The following RPS6KA2 variants were observed in gnomAD, a reference collection of about 807,000 sequenced individuals.
RPS6KA2 encodes ribosomal protein S6 kinase A2, also known as ribosomal protein S6 kinase alpha-2.
In RPS6KA2, 42 loss-of-function variants were observed where a neutral mutation model predicts 91.8. The observed-to-expected ratio is 0.46, with a 90% CI of 0.36 to 0.59. The LOEUF (loss-of-function observed/expected upper bound fraction) is 0.59. Among genes scored for constraint, RPS6KA2 ranks in the 20% least tolerant of loss-of-function variants. RPS6KA2 has a pLI of 0.00. For synonymous variants in RPS6KA2, 414 were observed against 393.6 expected (o/e 1.05, Z -0.61); for missense variants, 798 against 978.5 (o/e 0.82, Z 2.46).
At chr6:166,542,620 A>C (rs1783696558) in intron 1 of RPS6KA2, among the ~76,000 whole-genome samples, 1 of 152,230 alleles carries the variant, frequency 6.6e-6, no homozygotes. Context: ...GAATTTTTAA[A>C]ATTCCTGCAG....
chr6:166,812,404 C>T (rs939912161), intron 2 of RPS6KA2, among the ~76,000 whole-genome samples: 2 of 152,284 alleles, frequency 1.3e-5, no homozygotes, highest in Admixed American at 1.3e-4. Context: ...GCAGCTCCCT[C>T]CCAGCCCTGC....
Position 166,701,638 on chromosome 6 carries a change from G to T in RPS6KA2, c.123+156562C>A, listed in dbSNP as rs971464002. 3 of 1,295,728 alleles carry T rather than the reference G, an allele frequency of 2.3e-6. No homozygotes were observed. The African/African-American group carries it at 4.4e-5, about 19-fold the overall frequency. 80.3% of individuals were successfully genotyped at this position (1,295,728 alleles called of 1,614,324 possible). A position where few individuals can be genotyped will look rare whatever the true frequency, so the allele number is the denominator to read the frequency against. On this transcript the variant is annotated intron_variant, in intron 2 of 21. Coordinates refer to the RPS6KA2 transcript ENST00000503859. Reference sequence around the variant, plus strand: ...CTCGGATTCTGATTGCTCAGACTGCGGGGAGGGAGGAGTCATGGCTGAAGG... The same window carrying T: ...CTCGGATTCTGATTGCTCAGACTGCTGGGAGGGAGGAGTCATGGCTGAAGG...
Position 166,821,138 on chromosome 6 carries a change from A to G in RPS6KA2, c.123+37062T>C, listed in dbSNP as rs1158214942. ...GGCACAGAGTGAGCACATAGGAATTATAAGTATTAATTAGGATAAAATTGT... is the reference window on the plus strand; with the variant it reads ...GGCACAGAGTGAGCACATAGGAATTGTAAGTATTAATTAGGATAAAATTGT... On this transcript the variant is annotated intron_variant, in intron 2 of 21. Transcript: ENST00000503859. This position sits in a 1 kb window ranked among gnomAD's most constrained non-coding sequence, Gnocchi z 4.1. 2.6e-5 allele frequency among the ~76,000 whole-genome samples: 4 copies of G among 152,238 alleles called. No individual in the cohort carries two copies. Among genetic ancestry groups the G allele is most frequent in the Admixed American group, 2.6e-4 (4 of 15,290 alleles).
chr6:166,414,727 C>T (rs1055194440), intron 19 of RPS6KA2, among the ~76,000 whole-genome samples: 3 of 152,224 alleles, frequency 2.0e-5, no homozygotes, highest in Non-Finnish European at 4.4e-5. Flanking sequence ...CTAGCCTACC[C>T]TCCTTCCTTA....
intron 2 of RPS6KA2, among the ~76,000 whole-genome samples, chr6:166,840,732 C>T (rs1226009316): frequency 2.6e-5 from 4 of 152,110 alleles, no homozygotes; most frequent in Admixed American, 6.5e-5. Context: ...CAGGCTTAGG[C>T]GGGCAGATCA....
intron 11 of RPS6KA2, among the ~76,000 whole-genome samples, chr6:166,464,433 GTAA>G (rs1268708845): frequency 6.6e-6 from 1 of 152,172 alleles, no homozygotes; most frequent in Admixed American, 6.5e-5. Flanking sequence ...ACGAATAACA[GTAA>G]TAATAAGAGT....
In RPS6KA2 at chr6:166,476,996, C is replaced by G. The variant is rs77801004; in HGVS notation, c.908-7091G>C. Among the ~76,000 whole-genome samples, 82 of 152,218 alleles carry G rather than the reference C, an allele frequency of 5.4e-4. 4 individuals carry two copies. In the East Asian group the frequency reaches 0.015, roughly 29 times the overall value. ...TCAATTCCAGGCTCTTTTGGAGGAA[C>G]GAGAATAAGGCTCACGGCAGTCAGA... On this transcript the variant is annotated intron_variant, in intron 10 of 20. Transcript: ENST00000265678.
intron 8 of RPS6KA2, among the ~76,000 whole-genome samples, chr6:166,492,649 C>T (rs577918344): frequency 5.3e-5 from 8 of 152,112 alleles, no homozygotes; most frequent in South Asian, 2.1e-4. Flanking sequence ...TCCAGATGCC[C>T]GGATATCATT....
rs1788197317 is a variant in RPS6KA2 at position 166,662,794 on chromosome 6, T to G, written c.124-124010A>C. On this transcript the variant is annotated intron_variant, in intron 2 of 21. Coordinates refer to the RPS6KA2 transcript ENST00000503859. The surrounding 1 kb of genome is among the most constrained non-coding windows in gnomAD (Gnocchi z 4.3). ...ACCTCTGGTACTTAGACTGTGACTG[T>G]GTGGAGAGAGGACCTTTCAAAGGGG... 6.6e-6 allele frequency among the ~76,000 whole-genome samples: 1 copy of G among 152,120 alleles called. No individual in the cohort carries two copies. The highest frequency in any genetic ancestry group is 1.5e-5 in the Non-Finnish European group (1 of 68,024).
chr6:166,658,566 C>A (rs1461276197), intron 2 of RPS6KA2, among the ~76,000 whole-genome samples: 1 of 152,086 alleles, frequency 6.6e-6, no homozygotes, highest in Non-Finnish European at 1.5e-5. Flanking sequence ...TCAGACAAGG[C>A]CAGACTACTT....
intron 19 of RPS6KA2, among the ~76,000 whole-genome samples, chr6:166,415,874 C>G (rs1778479777): frequency 6.6e-6 from 1 of 151,720 alleles, no homozygotes; most frequent in Admixed American, 6.6e-5. Context: ...TCACCCCCAC[C>G]ATAATCTTCA....
chr6:166,671,996 G>A (rs1304604813), intron 2 of RPS6KA2, among the ~76,000 whole-genome samples: 4 of 152,168 alleles, frequency 2.6e-5, no homozygotes, highest in Non-Finnish European at 5.9e-5. Context: ...CAAACCAGGC[G>A]TGTCTCCACC....
chr6:166,716,053 A>AGG, intron 2 of RPS6KA2, among the ~76,000 whole-genome samples: 1 of 98,108 alleles, frequency 1.0e-5, no homozygotes, highest in East Asian at 2.7e-4. Context: ...AAAAAAAAAA[A>AGG]AAAAAAAAGA....
rs79059511 is a variant in RPS6KA2 at position 166,855,097 on chromosome 6, G to A, written c.123+3103C>T. Among the ~76,000 whole-genome samples, 420 of 152,270 alleles carry A rather than the reference G, an allele frequency of 2.8e-3. 4 individuals carry two copies. The highest frequency in any genetic ancestry group is 8.9e-3 in the African/African-American group (368 of 41,564). On this transcript the variant is annotated intron_variant, in intron 2 of 21. Transcript: ENST00000503859. The stretch of plus-strand genomic sequence containing the variant: ...CTAAGTGAAGTAACTCAGAAATGCC[G>A]CATGTTCTCACTTATAAGTGGGACT...
intron 2 of RPS6KA2, among the ~76,000 whole-genome samples, chr6:166,789,333 GT>G (rs932350002): frequency 8.5e-5 from 13 of 152,264 alleles, no homozygotes; most frequent in African/African-American, 2.9e-4. Context: ...CATTGCCCAG[GT>G]TTGATTAGGT....
At chr6:166,438,921 A>C (rs7742384) in intron 14 of RPS6KA2, among the ~76,000 whole-genome samples, 139,539 of 152,212 alleles carry the variant, frequency 0.92, 64,030 homozygotes, top group Middle Eastern at 0.94. Flanking sequence ...CCAATTAAAA[A>C]AAAAAAATTC....
intron 2 of RPS6KA2, among the ~76,000 whole-genome samples, chr6:166,772,000 T>C (rs527691301): frequency 4.7e-4 from 71 of 151,926 alleles, no homozygotes; most frequent in African/African-American, 1.7e-3. Context: ...TTTATCGAGG[T>C]GAGAATCATA....
chr6:166,649,453 A>G (rs1481438403), intron 2 of RPS6KA2, among the ~76,000 whole-genome samples: 1 of 152,200 alleles, frequency 6.6e-6, no homozygotes, highest in African/African-American at 2.4e-5. Flanking sequence ...CATGCTATGT[A>G]TCGTAATTCC....
rs1778652586 is a variant in RPS6KA2, at chr6:166,419,563, C to T, written c.1820+319G>A. On this transcript the variant is annotated intron_variant, in intron 18 of 20. Coordinates refer to ENST00000265678, the MANE Select transcript of RPS6KA2 (RefSeq NM_021135.6). This position sits in a 1 kb window ranked among gnomAD's most constrained non-coding sequence, Gnocchi z 5.6. ...GGTTTAAGAGGATGTCTGGAAGGCA[C>T]ATCTGTTGCTACCTTTTAAAACAGT... Among the ~76,000 whole-genome samples the T allele has an allele frequency of 6.6e-6, 1 of 152,248 alleles. No homozygotes were observed. Among genetic ancestry groups the T allele is most frequent in the South Asian group, 2.1e-4 (1 of 4,838 alleles).
Sources: gnomAD v4.1 joint callset for allele counts (sites outside exome capture counted in the v4.1 genomes callset) on GRCh38, gnomAD v4.1.1 for gene constraint, Gnocchi (gnomAD v3.1) non-coding constraint, MANE v1.5 for transcripts, NCBI Gene and HGNC (gene_info 2026-07-23, HGNC 2026-07-21) for gene names.